The following HMGXB4 variants were observed in gnomAD, a reference collection of about 807,000 sequenced individuals.
The protein encoded by HMGXB4 is HMG-box containing 4, also known as HMG domain-containing protein 4.
Under a neutral mutation model 63.9 loss-of-function variants are expected in HMGXB4, and 27 were observed. The observed-to-expected ratio is 0.42, with a 90% CI of 0.31 to 0.58. The LOEUF is 0.58. Ranked by LOEUF, HMGXB4 falls within the 20% of genes least tolerant of loss-of-function variation. HMGXB4 has a pLI of 0.13. For synonymous variants in HMGXB4, 264 were observed against 265.3 expected, an observed-to-expected ratio of 0.99 and a Z score of 0.05; for missense variants, 624 against 700.7, an observed-to-expected ratio of 0.89 and a Z score of 1.24.
rs369878809 is a variant in HMGXB4 at position 35,283,953 on chromosome 22, C to T, written c.1216-9C>T. On this transcript the variant is annotated splice_polypyrimidine_tract_variant and intron_variant, in intron 5 of 10. Coordinates refer to ENST00000216106, the MANE Select transcript of HMGXB4 (RefSeq NM_001003681.3). ...GTCTTACCCTGTTGTATCTTCTATG[C>T]GGCATTAGCCAAAAAAGAAGAACAT... is the stretch of plus-strand genomic sequence containing the variant. 438 of 1,605,394 alleles carry T rather than the reference C, an allele frequency of 2.7e-4. No individual in the cohort carries two copies. The highest frequency in any genetic ancestry group is 4.9e-4 in the Middle Eastern group (3 of 6,068).
At position 35,262,455 on chromosome 22, in the gene HMGXB4, G is replaced by T. The variant is rs375030456; in HGVS notation, c.31+34G>T. On this transcript the variant is annotated intron_variant, in intron 2 of 10. Transcript: ENST00000216106. The stretch of plus-strand genomic sequence containing the variant: ...CCATAATCTGAGAAGCATTCCAAAG[G>T]GGGTATCCTCTTCAATCCTTGCAGC... 5 of 1,602,000 alleles carry T rather than the reference G, an allele frequency of 3.1e-6. No homozygotes were observed. The African/African-American group carries it at 6.7e-5, about 21-fold the overall frequency.
chr22:35,265,942 A>ATT (rs369153687), intron 5 of HMGXB4, among the ~76,000 whole-genome samples: 19 of 135,766 alleles, frequency 1.4e-4, no homozygotes, highest in Middle Eastern at 4.0e-3. Context: ...CACCCGACTA[A>ATT]TTTTTTTTTT....
chr22:35,266,791 T>C (rs1278177155), intron 5 of HMGXB4, among the ~76,000 whole-genome samples: 1 of 152,106 alleles, frequency 6.6e-6, no homozygotes, highest in Non-Finnish European at 1.5e-5. Flanking sequence ...GGGACCGGCC[T>C]GGGCAACATA....
At chr22:35,287,493 T>C (rs1236217568) in intron 8 of HMGXB4, 41 bp downstream of exon 8, 1 of 1,409,848 alleles carries the variant, frequency 7.1e-7, no homozygotes, top group Non-Finnish European at 1.0e-6. Flanking sequence ...CTAAAGCATG[T>C]GAATTTTGCT....
At chr22:35,281,686 A>G (rs1924251371) in intron 5 of HMGXB4, among the ~76,000 whole-genome samples, 1 of 152,256 alleles carries the variant, frequency 6.6e-6, no homozygotes, top group African/African-American at 2.4e-5. Context: ...GATTGATTGT[A>G]CAGTTGGGAA....
upstream of HMGXB4, among the ~76,000 whole-genome samples, chr22:35,255,130 T>C (rs1447728103): frequency 2.0e-5 from 3 of 152,336 alleles, no homozygotes; most frequent in East Asian, 3.9e-4. Context: ...GATTGCTTTT[T>C]GTCTGGACAC....
intron 3 of HMGXB4, among the ~76,000 whole-genome samples, chr22:35,263,490 C>G (rs1176823509): frequency 6.6e-6 from 1 of 152,004 alleles, no homozygotes; most frequent in Admixed American, 6.5e-5. Flanking sequence ...ACCATGTTGG[C>G]CAGGCAGGTC....
chr22:35,262,537 C>T lies in HMGXB4; in HGVS notation c.31+116C>T, dbSNP rs192767380. ...CAGCCTGGACTCCCAAGTGATGGTC[C>T]AGAGCACTGTTATGACACTCAGCCT... is the stretch of plus-strand genomic sequence containing the variant. On this transcript the variant is annotated intron_variant, in intron 2 of 10. Transcript: ENST00000216106. 291 of 1,068,480 alleles carry T rather than the reference C, an allele frequency of 2.7e-4. 1 individual carries two copies. The African/African-American group carries it at 4.2e-3, about 16-fold the overall frequency. 66.2% of individuals were successfully genotyped at this position (1,068,480 alleles called of 1,614,324 possible).
chr22:35,293,213 C>A, intron 10 of HMGXB4, 99 bp downstream of exon 10: 1 of 1,340,008 alleles, frequency 7.5e-7, no homozygotes, highest in Non-Finnish European at 1.1e-6. Flanking sequence ...TTGTGACACA[C>A]AGTGCTTCCT....
At chr22:35,248,701 G>T in the HMGXB4 span, among the ~76,000 whole-genome samples, 2 of 151,982 alleles carry the variant, frequency 1.3e-5, no homozygotes, top group African/African-American at 4.8e-5. Context: ...CACTACACCC[G>T]GCTGGTCCCA....
intron 5 of HMGXB4, among the ~76,000 whole-genome samples, chr22:35,266,038 C>A (rs1487918803): frequency 6.6e-6 from 1 of 151,858 alleles, no homozygotes; most frequent in Non-Finnish European, 1.5e-5. Flanking sequence ...ATCCACCCAC[C>A]TCAGCCTCCC....
intron 5 of HMGXB4, among the ~76,000 whole-genome samples, chr22:35,279,434 C>T (rs893120621): frequency 1.2e-4 from 18 of 151,826 alleles, no homozygotes; most frequent in Middle Eastern, 3.2e-3. Context: ...CCACTGCGCC[C>T]GGTGTCTTTT....
chr22:35,284,106 A>G, intron 6 of HMGXB4, 63 bp downstream of exon 6: 1 of 1,064,704 alleles, frequency 9.4e-7, no homozygotes, highest in African/African-American at 1.5e-5. Flanking sequence ...CAGTGCGATT[A>G]ATTTCTTCTT....
the HMGXB4 span, among the ~76,000 whole-genome samples, chr22:35,243,553 T>C: frequency 3.9e-5 from 6 of 151,972 alleles, no homozygotes; most frequent in Non-Finnish European, 7.4e-5. Context: ...GTTGTTGTTA[T>C]TGAGACAGGG....
chr22:35,262,860 A>G lies in HMGXB4; in HGVS notation c.32-218A>G, dbSNP rs577501174. The G allele has an allele frequency of 3.0e-3, 1,756 of 584,822 alleles. 6 individuals carry two copies. The highest frequency in any genetic ancestry group is 4.5e-3 in the Middle Eastern group (10 of 2,220). The allele number at this position is 584,822 out of a possible 1,614,324, so 36.2% of individuals were successfully genotyped here. A position where few individuals can be genotyped will look rare whatever the true frequency, so the allele number is the denominator to read the frequency against. Reference sequence around the variant, plus strand: ...GTTGCACATGGGGCCTTTGCATAGCATGGAAACATTGTTTCTTCAGGTTTG... The same window carrying G: ...GTTGCACATGGGGCCTTTGCATAGCGTGGAAACATTGTTTCTTCAGGTTTG... On this transcript the variant is annotated intron_variant, in intron 2 of 10. Coordinates refer to ENST00000216106, the MANE Select transcript of HMGXB4 (RefSeq NM_001003681.3).
In HMGXB4 at chr22:35,293,660, A is replaced by T. The variant is rs373583810; in HGVS notation, c.*9A>T. ...TCATGCCGGGACTGTGACAGCAAAG[A>T]ATCCTGGGACAGAAACCTTATCCTA... is the stretch of plus-strand genomic sequence containing the variant. On this transcript the variant is annotated 3_prime_UTR_variant, in exon 11 of 11. Coordinates refer to ENST00000216106, the MANE Select transcript of HMGXB4 (RefSeq NM_001003681.3). 5 of 1,604,246 alleles carry T rather than the reference A, an allele frequency of 3.1e-6. No individual in the cohort carries two copies. The highest frequency in any genetic ancestry group is 4.3e-6 in the Non-Finnish European group (5 of 1,170,980).
upstream of HMGXB4, among the ~76,000 whole-genome samples, chr22:35,254,495 G>A (rs2146383709): frequency 6.6e-6 from 1 of 152,322 alleles, no homozygotes; most frequent in Middle Eastern, 3.4e-3. Context: ...CAACAGAGAA[G>A]CCTCCCTGAT....
At position 35,295,690 on chromosome 22, in the gene HMGXB4, T is replaced by C. The variant is rs973321555; in HGVS notation, c.*2039T>C. The C allele has an allele frequency of 6.7e-6, 1 of 150,154 alleles. No homozygotes were observed. Among genetic ancestry groups the C allele is most frequent in the African/African-American group, 2.4e-5 (1 of 41,330 alleles). 9.3% of individuals were successfully genotyped at this position (150,154 alleles called of 1,614,324 possible). A position where few individuals can be genotyped will look rare whatever the true frequency, so the allele number is the denominator to read the frequency against. ...AGACCTTCTTGCAGTTTTTATATCA[T>C]TGTTTTATTTTGTTTTTTAAATAAA... On this transcript the variant is annotated 3_prime_UTR_variant, in exon 11 of 11. Coordinates refer to ENST00000216106, the MANE Select transcript of HMGXB4 (RefSeq NM_001003681.3).
chr22:35,268,669 G>C (rs1176038410), intron 5 of HMGXB4, among the ~76,000 whole-genome samples: 9 of 152,180 alleles, frequency 5.9e-5, no homozygotes, highest in African/African-American at 2.2e-4. Flanking sequence ...TAGACAGTCA[G>C]TAAATACTTG....
Sources: gnomAD v4.1 joint callset for allele counts (sites outside exome capture counted in the v4.1 genomes callset) on GRCh38, gnomAD v4.1.1 for gene constraint, MANE v1.5 for transcripts, NCBI Gene and HGNC (gene_info 2026-07-23, HGNC 2026-07-21) for gene names.